RNF111: variants seen among roughly 807,000 people sequenced by gnomAD.
RNF111 encodes ring finger protein 111.
RNF111 carries 17 observed loss-of-function variants against 95.1 expected under a neutral mutation model. The ratio of observed to expected loss-of-function variants is 0.18; its 90% CI spans 0.12 to 0.27. RNF111 has a LOEUF of 0.27. RNF111 is among the 10% of genes least tolerant of loss of function. The pLI is 1.00. For missense variants in RNF111, 1,189 were observed against 1,210.4 expected (o/e 0.98, Z 0.26); for synonymous variants, 440 against 414.8 (o/e 1.06, Z -0.74).
At chr15:59,090,696 T>A (rs1191936389) in intron 11 of RNF111, among the ~76,000 whole-genome samples, 3 of 152,260 alleles carry the variant, frequency 2.0e-5, no homozygotes, top group Non-Finnish European at 4.4e-5. Context: ...TTTATAAAGA[T>A]AACTTTTGCT....
At position 59,031,602 on chromosome 15, in the gene RNF111, C is replaced by T. The variant is rs1237214192; in HGVS notation, c.780C>T (p.Asp260=). 1 of 1,614,052 alleles carries T rather than the reference C, an allele frequency of 6.2e-7. No homozygotes were observed. The highest frequency in any genetic ancestry group is 8.5e-7 in the Non-Finnish European group (1 of 1,180,026). ...LPSSSSSSEN[D]LSSESSSSSS... ...GTTCTAGTAGTTCCAGTGAGAATGACCTCAGCAGTGAATCCTCTTCTAGCT... is the reference window on the plus strand; with the variant it reads ...GTTCTAGTAGTTCCAGTGAGAATGATCTCAGCAGTGAATCCTCTTCTAGCT... The change falls in exon 2 of 14, where the codon GAC becomes GAT. Residue 260 remains aspartate, a synonymous_variant. Coordinates refer to ENST00000348370, the MANE Select transcript of RNF111 (RefSeq NM_017610.8).
intron 6 of RNF111, among the ~76,000 whole-genome samples, chr15:59,070,173 T>A (rs1230430064): frequency 6.6e-6 from 1 of 151,438 alleles, no homozygotes; most frequent in African/African-American, 2.4e-5. Context: ...CTGTGCCTAG[T>A]AGTTTAATTA....
chr15:59,015,142 G>A (rs949816519), intron 1 of RNF111, among the ~76,000 whole-genome samples: 1 of 151,992 alleles, frequency 6.6e-6, no homozygotes, highest in Non-Finnish European at 1.5e-5. Flanking sequence ...GACCAAAGTC[G>A]AATTTTTTAA....
intron 1 of RNF111, among the ~76,000 whole-genome samples, chr15:59,004,488 C>T (rs1339537335): frequency 3.9e-5 from 6 of 152,102 alleles, no homozygotes; most frequent in Non-Finnish European, 7.4e-5. Flanking sequence ...TGATCAGTGA[C>T]GTACAGTAAA....
At chr15:59,078,584 A>ACAGTGGCTCACGCCTGTAATCC (rs1189705507) in intron 7 of RNF111, among the ~76,000 whole-genome samples, 1 of 150,404 alleles carries the variant, frequency 6.6e-6, no homozygotes, top group Non-Finnish European at 1.5e-5. Context: ...AAGACCAGGC[A>ACAGTGGCTCACGCCTGTAATCC]CAGTGGCTCA....
chr15:58,990,002 C>T (rs1456076713), intron 1 of RNF111, among the ~76,000 whole-genome samples: 2 of 151,940 alleles, frequency 1.3e-5, no homozygotes, highest in African/African-American at 2.4e-5. Context: ...TAAAAGAGAC[C>T]ATCTGAAAAA....
chr15:59,046,683 ATG>A (rs2041725457), intron 2 of RNF111, among the ~76,000 whole-genome samples: 1 of 152,224 alleles, frequency 6.6e-6, no homozygotes, highest in Non-Finnish European at 1.5e-5. Flanking sequence ...TTTCTTAAAT[ATG>A]TCACCAAAAT....
At chr15:59,007,908 A>G (rs2039614211) in intron 1 of RNF111, among the ~76,000 whole-genome samples, 1 of 152,246 alleles carries the variant, frequency 6.6e-6, no homozygotes, top group Non-Finnish European at 1.5e-5. Context: ...GTATACACAC[A>G]CAAACACATG....
intron 6 of RNF111, among the ~76,000 whole-genome samples, chr15:59,072,737 C>T (rs1353954592): frequency 2.6e-5 from 4 of 151,996 alleles, no homozygotes; most frequent in African/African-American, 9.7e-5. Context: ...CAGGCGTGAG[C>T]CACCACACCC....
intron 1 of RNF111, among the ~76,000 whole-genome samples, chr15:59,027,356 C>A (rs2040668168): frequency 1.3e-5 from 2 of 152,076 alleles, no homozygotes; most frequent in Admixed American, 6.6e-5. Context: ...AATCTTGATA[C>A]TTTTCCTCTT....
chr15:58,993,500 T>C (rs1209047268), intron 1 of RNF111, among the ~76,000 whole-genome samples: 1 of 152,230 alleles, frequency 6.6e-6, no homozygotes, highest in African/African-American at 2.4e-5. Context: ...ATTGCACCAC[T>C]GCACTCCAAC....
intron 1 of RNF111, among the ~76,000 whole-genome samples, chr15:58,994,100 C>T (rs2038940427): frequency 6.8e-6 from 1 of 146,640 alleles, no homozygotes; most frequent in Non-Finnish European, 1.5e-5. Flanking sequence ...TGCAGTGGCC[C>T]CATCTTGGCT....
rs561237724 is a variant in RNF111 at position 59,038,753 on chromosome 15, C to T, written c.880+7051C>T. On this transcript the variant is annotated intron_variant, in intron 2 of 13. Coordinates refer to ENST00000348370, the MANE Select transcript of RNF111 (RefSeq NM_017610.8). ...TCTGTAAACTGGTAGGTAGTTGGGTCTAAAAGCTTGATTAGGTTCAAGTTT... is the reference window on the plus strand; with the variant it reads ...TCTGTAAACTGGTAGGTAGTTGGGTTTAAAAGCTTGATTAGGTTCAAGTTT... 1.2e-4 allele frequency among the ~76,000 whole-genome samples: 18 copies of T among 152,124 alleles called. 1 individual carries two copies. The highest frequency in any genetic ancestry group is 4.3e-4 in the African/African-American group (18 of 41,506).
intron 1 of RNF111, among the ~76,000 whole-genome samples, chr15:58,991,644 CGATTTGGAGGAA>C (rs1269007341): frequency 2.0e-5 from 3 of 152,112 alleles, no homozygotes. Context: ...GCCATAGTGA[CGATTTGGAGGAA>C]GACTGCTACA....
At chr15:59,011,868 C>G (rs934137199) in intron 1 of RNF111, among the ~76,000 whole-genome samples, 9 of 152,106 alleles carry the variant, frequency 5.9e-5, no homozygotes, top group Admixed American at 5.9e-4. Flanking sequence ...GAAACTGACA[C>G]TTGGCATATG....
intron 1 of RNF111, among the ~76,000 whole-genome samples, chr15:59,006,934 C>T (rs986815706): frequency 6.6e-6 from 1 of 152,086 alleles, no homozygotes; most frequent in African/African-American, 2.4e-5. Context: ...TGCAGGCGCC[C>T]GCTACCACGC....
At position 59,031,592 on chromosome 15, in the gene RNF111, G is replaced by C; in HGVS notation, c.770G>C (p.Ser257Thr). Residue 257 changes from serine to threonine, a missense_variant, in exon 2 of 14, where the codon AGT (serine) becomes ACT (threonine). Coordinates refer to ENST00000348370, the MANE Select transcript of RNF111 (RefSeq NM_017610.8). ...TTGCTACCTAGTTCTAGTAGTTCCA[G>C]TGAGAATGACCTCAGCAGTGAATCC... ...YALLPSSSSS[S>T]ENDLSSESSS... is the part of the protein sequence containing the mutation. 1 of 1,614,226 alleles carries C rather than the reference G, an allele frequency of 6.2e-7. No homozygotes were observed. The highest frequency in any genetic ancestry group is 8.5e-7 in the Non-Finnish European group (1 of 1,180,034).
At chr15:59,027,836 CTT>C (rs77391394) in intron 1 of RNF111, among the ~76,000 whole-genome samples, 6 of 139,376 alleles carry the variant, frequency 4.3e-5, no homozygotes, top group East Asian at 2.1e-4. Flanking sequence ...CCTGGCCCAC[CTT>C]TTTTTTTTTT....
intron 1 of RNF111, among the ~76,000 whole-genome samples, chr15:59,019,244 A>T (rs757340574): frequency 6.6e-6 from 1 of 151,860 alleles, no homozygotes; most frequent in Non-Finnish European, 1.5e-5. Flanking sequence ...ATTTTATTAA[A>T]TTAAGTTTTA....
Sources: gnomAD v4.1 joint callset for allele counts (sites outside exome capture counted in the v4.1 genomes callset) on GRCh38, gnomAD v4.1.1 for gene constraint, MANE v1.5 for transcripts, NCBI Gene and HGNC (gene_info 2026-07-23, HGNC 2026-07-21) for gene names.